The following SPTAN1 variants were observed in gnomAD, a reference collection of about 807,000 sequenced individuals.
SPTAN1 encodes the protein spectrin alpha, non-erythrocytic 1, also known as spectrin alpha chain, non-erythrocytic 1.
SPTAN1 carries 61 observed loss-of-function variants against 331.3 expected under a neutral mutation model. The observed-to-expected ratio is 0.18, with a 90% CI of 0.15 to 0.23. The LOEUF is 0.23. Among genes scored for constraint, SPTAN1 ranks in the 10% least tolerant of loss-of-function variants. The pLI is 1.00. For synonymous variants in SPTAN1, 1,153 were observed against 1,173.9 expected (o/e 0.98, Z 0.36); for missense variants, 2,043 against 3,147.9 (o/e 0.65, Z 8.40).
chr9:128,575,849 A>G (rs1851247100), intron 5 of SPTAN1, among the ~76,000 whole-genome samples: 2 of 152,184 alleles, frequency 1.3e-5, no homozygotes, highest in East Asian at 1.9e-4. Flanking sequence ...GCCCACGTGT[A>G]CAATCCTGTA....
intron 31 of SPTAN1, among the ~76,000 whole-genome samples, 173 bp downstream of exon 31, chr9:128,605,650 C>T (rs1294193955): frequency 2.0e-5 from 3 of 152,146 alleles, no homozygotes; most frequent in African/African-American, 7.2e-5. Context: ...CGGAGACCAG[C>T]CTGGGCTACA....
At chr9:128,628,570 C>T (rs773097197) in intron 51 of SPTAN1, 18 of 202,022 alleles carry the variant, frequency 8.9e-5, no homozygotes, top group Admixed American at 8.0e-4. Context: ...CGCCCAGTCC[C>T]GGCAGGGACT....
In SPTAN1 at chr9:128,617,993, C is replaced by T. The variant is rs1335400496; in HGVS notation, c.5485C>T (p.Leu1829=). Residue 1829 remains leucine, a synonymous_variant, in exon 43 of 57, where the codon CTG becomes TTG. Transcript: ENST00000372739. ...AAHEPAIQGV[L]DTGKKLSDDN... ...CCTCGTCCTTGCCTGTCAGGGTGTC[C>T]TGGACACTGGCAAGAAGCTGTCCGA... 6.2e-6 allele frequency: 10 copies of T among 1,614,050 alleles called. No homozygotes were observed. Among genetic ancestry groups the T allele is most frequent in the Non-Finnish European group, 7.6e-6 (9 of 1,180,028 alleles).
chr9:128,587,652 A>G lies in SPTAN1; in HGVS notation c.2825A>G (p.Tyr942Cys). The change falls in exon 20 of 57, where the codon TAC (tyrosine) becomes TGC (cysteine). Residue 942 changes from tyrosine to cysteine, a missense_variant. Physicochemically the swap from Tyr to Cys is radical, Grantham distance 194 (BLOSUM62 -2). Coordinates refer to ENST00000372739, the MANE Select transcript of SPTAN1 (RefSeq NM_001130438.3). ...GCTTTGATGTCAGATCTCAGTGCCTACGGCAGCAGCATCCAGGCTTTGCGA... is the reference window on the plus strand; with the variant it reads ...GCTTTGATGTCAGATCTCAGTGCCTGCGGCAGCAGCATCCAGGCTTTGCGA... ...HEALMSDLSA[Y>C]GSSIQALREQ... 6.2e-7 allele frequency: 1 copy of G among 1,614,068 alleles called. No individual in the cohort carries two copies. Among genetic ancestry groups the G allele is most frequent in the Non-Finnish European group, 8.5e-7 (1 of 1,179,984 alleles).
rs746115051 is a variant in SPTAN1, at chr9:128,576,897, C to T, written c.726C>T (p.Gly242=). The T allele has an allele frequency of 1.2e-6, 2 of 1,614,134 alleles. No homozygotes were observed. The highest frequency in any genetic ancestry group is 1.7e-6 in the Non-Finnish European group (2 of 1,180,036). The change falls in exon 6 of 57, where the codon GGC becomes GGT. Residue 242 remains glycine (G), a synonymous_variant. Transcript: ENST00000372739. ...EVNAAWQRLK[G]LALQRQGKLF... ...ATGCAGCCTGGCAGCGGCTGAAGGG[C>T]CTGGCTCTGCAGAGGCAGGGGAAGC...
intron 40 of SPTAN1, among the ~76,000 whole-genome samples, chr9:128,614,567 G>C (rs1856921830): frequency 6.6e-6 from 1 of 151,036 alleles, no homozygotes; most frequent in Admixed American, 6.6e-5. Flanking sequence ...TCCAGCCTGG[G>C]CGACAGAATG....
At chr9:128,597,199 A>AGG (rs749433827) in intron 24 of SPTAN1, among the ~76,000 whole-genome samples, 1 of 152,150 alleles carries the variant, frequency 6.6e-6, no homozygotes, top group South Asian at 2.1e-4. Context: ...CTGTAGAGAT[A>AGG]GGGGTCTGGT....
At chr9:128,575,919 GTT>G (rs933201297) in intron 5 of SPTAN1, among the ~76,000 whole-genome samples, 2 of 152,148 alleles carry the variant, frequency 1.3e-5, no homozygotes, top group African/African-American at 4.8e-5. Flanking sequence ...GAACCAGAGA[GTT>G]TTTACTTTTA....
chr9:128,619,128 A>G, intron 44 of SPTAN1, 125 bp downstream of exon 44: 1 of 1,402,750 alleles, frequency 7.1e-7, no homozygotes, highest in Non-Finnish European at 9.8e-7. Flanking sequence ...CCAGCAGCCA[A>G]GGCCTCAGTA....
chr9:128,603,734 A>C, intron 28 of SPTAN1, 144 bp downstream of exon 28: 1 of 1,050,356 alleles, frequency 9.5e-7, no homozygotes, highest in East Asian at 2.4e-5. Context: ...GTCCTAAGTA[A>C]ACATCAGCAC....
In SPTAN1 at chr9:128,577,741, G is replaced by A. The variant is rs924173746; in HGVS notation, c.1085+235G>A. ...CTTCTATTCTGCATCACTGCATTATGATTGATAGAATGGGAATGTCCCTTT... is the reference window on the plus strand; with the variant it reads ...CTTCTATTCTGCATCACTGCATTATAATTGATAGAATGGGAATGTCCCTTT... On this transcript the variant is annotated intron_variant, in intron 8 of 56. Transcript: ENST00000372739. This position sits in a 1 kb window ranked among gnomAD's most constrained non-coding sequence, Gnocchi z 4.2. Among the ~76,000 whole-genome samples, 1 of 152,188 alleles carries A rather than the reference G, an allele frequency of 6.6e-6. No individual in the cohort carries two copies. The highest frequency in any genetic ancestry group is 1.5e-5 in the Non-Finnish European group (1 of 68,032).
In SPTAN1 at chr9:128,613,461, G is replaced by A. The variant is rs753613973; in HGVS notation, c.5124G>A (p.Leu1708=). ...VNNLLKKHQL[L]EADISAHEDR... ...ACCTGCTGAAAAAGCATCAACTGCT[G>A]GAAGCAGATATATCTGCCCATGAGG... is the stretch of plus-strand genomic sequence containing the variant. The change falls in exon 40 of 57, where the codon CTG becomes CTA. Residue 1708 remains leucine, a synonymous_variant. Transcript: ENST00000372739. 6.2e-7 allele frequency: 1 copy of A among 1,614,204 alleles called. No homozygotes were observed. The highest frequency in any genetic ancestry group is 1.7e-5 in the Admixed American group (1 of 60,030).
At chr9:128,616,784 T>C (rs1435552184) in intron 41 of SPTAN1, among the ~76,000 whole-genome samples, 4 of 151,860 alleles carry the variant, frequency 2.6e-5, no homozygotes. Context: ...ATATAAAAAT[T>C]AGCTGGGCAT....
chr9:128,587,124 C>T (rs980305893), intron 19 of SPTAN1, among the ~76,000 whole-genome samples: 3 of 151,440 alleles, frequency 2.0e-5, no homozygotes, highest in South Asian at 2.1e-4. Flanking sequence ...CTCGTTCTGT[C>T]GCTAGGGCTG....
chr9:128,611,905 G>T, intron 38 of SPTAN1, 60 bp downstream of exon 38: 2 of 1,612,766 alleles, frequency 1.2e-6, no homozygotes, highest in Non-Finnish European at 1.7e-6. Context: ...CTGTCAACCT[G>T]ATATAATAAC....
Position 128,578,377 on chromosome 9 carries a change from A to G in SPTAN1, c.1221+132A>G, listed in dbSNP as rs751346515. 1.3e-4 allele frequency: 170 copies of G among 1,298,908 alleles called. 1 individual carries two copies. The highest frequency in any genetic ancestry group is 6.5e-4 in the South Asian group (52 of 80,018). The allele number at this position is 1,298,908 out of a possible 1,614,324, so 80.5% of individuals were successfully genotyped here. Reference sequence around the variant, plus strand: ...ACAGGTGTTTCTCATCATGAGGATTATGGTTGGTTTTGCCTTTGGAGACCT... The same window carrying G: ...ACAGGTGTTTCTCATCATGAGGATTGTGGTTGGTTTTGCCTTTGGAGACCT... On this transcript the variant is annotated intron_variant, in intron 9 of 56. Coordinates refer to ENST00000372739, the MANE Select transcript of SPTAN1 (RefSeq NM_001130438.3).
intron 41 of SPTAN1, 77 bp from the exon 42 acceptor site, chr9:128,617,563 C>A: frequency 6.2e-7 from 1 of 1,605,602 alleles, no homozygotes; most frequent in East Asian, 2.2e-5. Context: ...CTGTGAGGTC[C>A]ACAGTTGACC....
intron 1 of SPTAN1, among the ~76,000 whole-genome samples, chr9:128,565,510 A>G (rs753484447): frequency 6.6e-6 from 1 of 152,212 alleles, no homozygotes; most frequent in Non-Finnish European, 1.5e-5. Context: ...TAGAAAGGCA[A>G]TCTTCAGATC....
intron 39 of SPTAN1, among the ~76,000 whole-genome samples, chr9:128,612,924 CAAAA>C (rs533329807): frequency 1.2e-4 from 17 of 141,720 alleles, no homozygotes; most frequent in Non-Finnish European, 2.0e-4. Flanking sequence ...GACTTCATCT[CAAAA>C]AAAAAAAATT....
Sources: gnomAD v4.1 joint callset for allele counts (sites outside exome capture counted in the v4.1 genomes callset) on GRCh38, gnomAD v4.1.1 for gene constraint, Gnocchi (gnomAD v3.1) non-coding constraint, MANE v1.5 for transcripts, NCBI Gene and HGNC (gene_info 2026-07-23, HGNC 2026-07-21) for gene names.